CCND3: variants seen among roughly 807,000 people sequenced by gnomAD.
CCND3 encodes G1/S-specific cyclin-D3.
CCND3 carries 9 observed loss-of-function variants against 28.7 expected under a neutral mutation model. The observed-to-expected ratio is 0.31, with a 90% CI of 0.19 to 0.55. The LOEUF is 0.55. CCND3 is among the 20% of genes least tolerant of loss of function. CCND3 has a pLI of 0.93. For missense variants in CCND3, 315 were observed against 385.8 expected (o/e 0.82, Z 1.54); for synonymous variants, 164 against 163.9 (o/e 1.00, Z 0.00).
chr6:41,988,175 G>A lies in CCND3; in HGVS notation c.-45-47590C>T, dbSNP rs189634286. 3.4e-4 allele frequency among the ~76,000 whole-genome samples: 51 copies of A among 151,874 alleles called. No homozygotes were observed. The East Asian group carries it at 4.7e-3, about 14-fold the overall frequency. On this transcript the variant is annotated intron_variant, in intron 1 of 4. Coordinates refer to the CCND3 transcript ENST00000372988. ...TACTAAAATAGCCAGGCATGGTGGC[G>A]CATGCCTGTAATCCCAGCTACTCGG... is the stretch of plus-strand genomic sequence containing the variant.
At chr6:42,049,123 C>T (rs1764646411), upstream of CCND3, among the ~76,000 whole-genome samples, 2 of 152,236 alleles carry the variant, frequency 1.3e-5, no homozygotes, top group African/African-American at 4.8e-5. Flanking sequence ...GCAACCTCCG[C>T]CTCCCGGATT....
intron 1 of CCND3, among the ~76,000 whole-genome samples, chr6:41,994,647 A>G (rs1379462981): frequency 6.6e-6 from 1 of 152,156 alleles, no homozygotes; most frequent in South Asian, 2.1e-4. Flanking sequence ...TAGGTTCATC[A>G]CCTGTAACAA....
chr6:41,950,855 C>T (rs1776292192), intron 1 of CCND3, among the ~76,000 whole-genome samples: 1 of 151,776 alleles, frequency 6.6e-6, no homozygotes, highest in South Asian at 2.1e-4. Flanking sequence ...ACTACAGGCG[C>T]CCCCCACCAC....
rs1180548308 is a variant in CCND3 at position 41,936,890 on chromosome 6, C to T, written c.575-195G>A. 1 of 620,342 alleles carries T rather than the reference C, an allele frequency of 1.6e-6. No homozygotes were observed. The highest frequency in any genetic ancestry group is 1.8e-5 in the African/African-American group (1 of 54,184). The allele number at this position is 620,342 out of a possible 1,614,324, so 38.4% of individuals were successfully genotyped here. On this transcript the variant is annotated intron_variant, in intron 3 of 4. Transcript: ENST00000372991. The surrounding 1 kb of genome is among the most constrained non-coding windows in gnomAD (Gnocchi z 4.4). The stretch of plus-strand genomic sequence containing the variant: ...AGAGTATCTTTCCTAGAGATCAGAA[C>T]CAACTGCCAGTTTCCATAGGTCCCG...
At chr6:41,983,154 G>A (rs1245872775) in intron 1 of CCND3, among the ~76,000 whole-genome samples, 1 of 152,126 alleles carries the variant, frequency 6.6e-6, no homozygotes, top group Non-Finnish European at 1.5e-5. Flanking sequence ...AAGGCAGGCT[G>A]ATCACCTGAG....
chr6:42,048,267 T>G lies in CCND3; in HGVS notation c.-46+234A>C. 4.3e-6 allele frequency: 1 copy of G among 234,278 alleles called. No individual in the cohort carries two copies. The highest frequency in any genetic ancestry group is 4.0e-5 in the South Asian group (1 of 24,696). 14.5% of individuals were successfully genotyped at this position (234,278 alleles called of 1,614,324 possible). On this transcript the variant is annotated intron_variant, in intron 1 of 4. Transcript: ENST00000372988. This position sits in a 1 kb window ranked among gnomAD's most constrained non-coding sequence, Gnocchi z 4.7. ...GGGCTTCCAGATCAGCTGGAGGGGG[T>G]TGTGCCGATGTGTGTACATACAGAG... is the stretch of plus-strand genomic sequence containing the variant.
chr6:42,043,039 G>A lies in CCND3; in HGVS notation c.-46+5462C>T, dbSNP rs559579015. Among the ~76,000 whole-genome samples, 5 of 152,316 alleles carry A rather than the reference G, an allele frequency of 3.3e-5. 1 individual carries two copies. In the South Asian group the frequency reaches 8.3e-4, roughly 25 times the overall value. ...CAGACTTCCAGCTCAGCCACAGATG[G>A]GCTGTGTGTAAGGAAGCAAGCTGCT... is the stretch of plus-strand genomic sequence containing the variant. On this transcript the variant is annotated intron_variant, in intron 1 of 4. Coordinates refer to the CCND3 transcript ENST00000372988.
At chr6:41,968,038 C>CA (rs1745962878) in intron 1 of CCND3, among the ~76,000 whole-genome samples, 1 of 152,194 alleles carries the variant, frequency 6.6e-6, no homozygotes, top group South Asian at 2.1e-4. Flanking sequence ...AAACCATCTT[C>CA]ATTCCAACTA....
intron 1 of CCND3, among the ~76,000 whole-genome samples, chr6:41,992,463 G>GATT (rs1554164161): frequency 8.3e-6 from 1 of 120,448 alleles, no homozygotes; most frequent in Non-Finnish European, 1.6e-5. Flanking sequence ...CACCCAGCCG[G>GATT]TTTTTTTTTT....
intron 1 of CCND3, among the ~76,000 whole-genome samples, chr6:41,979,085 C>A (rs1357157660): frequency 1.4e-5 from 2 of 142,944 alleles, no homozygotes; most frequent in South Asian, 2.2e-4. Context: ...GCAGGAGAAT[C>A]GCTTGAACCC....
At chr6:42,041,058 T>A (rs1182943878) in intron 1 of CCND3, among the ~76,000 whole-genome samples, 1 of 152,096 alleles carries the variant, frequency 6.6e-6, no homozygotes, top group African/African-American at 2.4e-5. Context: ...ATCACCAACA[T>A]CTTGAGTGCC....
chr6:41,979,171 C>CCA (rs373624139), intron 1 of CCND3, among the ~76,000 whole-genome samples: 1 of 87,528 alleles, frequency 1.1e-5, no homozygotes, highest in Non-Finnish European at 2.1e-5. Flanking sequence ...AACTCTGTCT[C>CCA]AAAAAAAAAA....
At chr6:42,042,783 T>C (rs951378461) in intron 1 of CCND3, among the ~76,000 whole-genome samples, 15 of 152,252 alleles carry the variant, frequency 9.9e-5, no homozygotes, top group African/African-American at 3.1e-4. Context: ...ACCTGACATA[T>C]AGTAGGCATT....
intron 1 of CCND3, among the ~76,000 whole-genome samples, chr6:41,997,012 C>T (rs561830266): frequency 6.6e-6 from 1 of 152,306 alleles, no homozygotes; most frequent in African/African-American, 2.4e-5. Flanking sequence ...GCAACTAGGC[C>T]TGCACCTAGA....
At chr6:42,009,080 G>C (rs1340028227) in intron 1 of CCND3, among the ~76,000 whole-genome samples, 1 of 152,194 alleles carries the variant, frequency 6.6e-6, no homozygotes, top group Non-Finnish European at 1.5e-5. Context: ...GGGAAGGGTT[G>C]TGATTAGAGC....
At chr6:42,004,165 G>T (rs1763114287) in intron 1 of CCND3, among the ~76,000 whole-genome samples, 1 of 148,604 alleles carries the variant, frequency 6.7e-6, no homozygotes, top group African/African-American at 2.5e-5. Context: ...GTGGGATCCT[G>T]GCTCGCTGCA....
At chr6:42,025,644 G>A (rs987369868) in intron 1 of CCND3, among the ~76,000 whole-genome samples, 3 of 152,160 alleles carry the variant, frequency 2.0e-5, no homozygotes, top group Non-Finnish European at 2.9e-5. Context: ...CACCCCGGCC[G>A]CCCCACGATG....
intron 1 of CCND3, among the ~76,000 whole-genome samples, chr6:42,007,755 G>A (rs1305598832): frequency 1.3e-5 from 2 of 152,254 alleles, no homozygotes; most frequent in Non-Finnish European, 2.9e-5. Flanking sequence ...GGACAGGATC[G>A]AGAGCAGCTC....
rs1013356081 is a variant in CCND3 at position 41,941,733 on chromosome 6, T to G, written c.-84A>C. 1.5e-5 allele frequency: 16 copies of G among 1,049,136 alleles called. No homozygotes were observed. Among genetic ancestry groups the G allele is most frequent in the Non-Finnish European group, 7.4e-6 (6 of 810,328 alleles). The allele number at this position is 1,049,136 out of a possible 1,614,324, so 65.0% of individuals were successfully genotyped here. On this transcript the variant is annotated 5_prime_UTR_variant, in exon 1 of 5. Transcript: ENST00000372991. This position sits in a 1 kb window ranked among gnomAD's most constrained non-coding sequence, Gnocchi z 6.1. The stretch of plus-strand genomic sequence containing the variant: ...CGGGCCGGAGAGCGCGGGGCGCGGG[T>G]CTGGCGCTGGCGCTGGCACTGCGCG...
Sources: gnomAD v4.1 joint callset for allele counts (sites outside exome capture counted in the v4.1 genomes callset) on GRCh38, gnomAD v4.1.1 for gene constraint, Gnocchi (gnomAD v3.1) non-coding constraint, MANE v1.5 for transcripts, NCBI Gene and HGNC (gene_info 2026-07-23, HGNC 2026-07-21) for gene names.